Variants in MR1 observed in about 807,000 individuals in gnomAD.
The protein encoded by MR1 is major histocompatibility complex, class I-related, also known as major histocompatibility complex class I-related protein 1.
A neutral mutation model predicts 37.8 loss-of-function variants in MR1; 44 were observed. The observed-to-expected ratio is 1.16, with a 90% CI of 0.91 to 1.50. The LOEUF (loss-of-function observed/expected upper bound fraction) is 1.50. Ranked by LOEUF, MR1 falls within the 40% of genes most tolerant of loss-of-function variation. The probability of loss-of-function intolerance (pLI) is 0.00; values close to 1 mark genes in which losing one functional copy is unlikely to be tolerated. For synonymous variants in MR1, 153 were observed against 155.8 expected, an observed-to-expected ratio of 0.98 and a Z score of 0.13; for missense variants, 386 against 419.1, an observed-to-expected ratio of 0.92 and a Z score of 0.69.
chr1:181,033,869 C>CT (rs531593634), upstream of MR1: 1,867 of 558,318 alleles, frequency 3.3e-3, no homozygotes, highest in South Asian at 8.1e-3. Context: ...TTCATTTTAT[C>CT]TTTTTTTTTT....
Position 181,058,024 on chromosome 1 carries a change from T to C in MR1, c.*2759T>C, listed in dbSNP as rs1258425888. 1 of 152,180 alleles carries C rather than the reference T, an allele frequency of 6.6e-6. No homozygotes were observed. Among genetic ancestry groups the C allele is most frequent in the Admixed American group, 6.5e-5 (1 of 15,278 alleles). 9.4% of individuals were successfully genotyped at this position (152,180 alleles called of 1,614,324 possible). ...AAACTCCATCTCAAAAAAATAAAAA[T>C]AAAATAAGTAAGTAATACCTAAAAT... is the stretch of plus-strand genomic sequence containing the variant. On this transcript the variant is annotated 3_prime_UTR_variant, in exon 6 of 6. Coordinates refer to ENST00000367580, the MANE Select transcript of MR1 (RefSeq NM_001385161.1).
At chr1:181,055,140 C>G in intron 5 of MR1, 85 bp from the exon 6 acceptor site, 1 of 1,280,458 alleles carries the variant, frequency 7.8e-7, no homozygotes, top group South Asian at 1.2e-5. Context: ...GCCTGTTTCT[C>G]AGATTTTGCT....
At chr1:181,038,534 G>A (rs1005438023) in intron 1 of MR1, among the ~76,000 whole-genome samples, 3 of 152,206 alleles carry the variant, frequency 2.0e-5, no homozygotes, top group East Asian at 1.9e-4. Context: ...CAGGACTCAC[G>A]GCCACCTGTG....
intron 1 of MR1, among the ~76,000 whole-genome samples, chr1:181,044,218 C>T (rs1464168548): frequency 1.3e-5 from 2 of 152,142 alleles, no homozygotes; most frequent in East Asian, 1.9e-4. Context: ...CCGCGTCGGC[C>T]TCCCAAAGTG....
intron 5 of MR1, among the ~76,000 whole-genome samples, chr1:181,054,697 T>TA (rs1658514293): frequency 2.5e-5 from 3 of 121,082 alleles, no homozygotes; most frequent in Non-Finnish European, 4.8e-5. Context: ...ACTGAAAATA[T>TA]TAAAAAAAAA....
intron 2 of MR1, 127 bp from the exon 3 acceptor site, chr1:181,049,884 C>T: frequency 8.9e-7 from 1 of 1,122,242 alleles, no homozygotes; most frequent in Non-Finnish European, 1.3e-6. Flanking sequence ...TCAGCGATGC[C>T]ATGGCAGGCC....
chr1:181,036,459 A>G (rs1657274137), intron 1 of MR1, among the ~76,000 whole-genome samples: 1 of 152,174 alleles, frequency 6.6e-6, no homozygotes, highest in Admixed American at 6.5e-5. Flanking sequence ...TGAGATTATG[A>G]AAGAAGACTC....
Position 181,035,475 on chromosome 1 carries a change from C to T in MR1, c.67+1401C>T, listed in dbSNP as rs58697733. Among the ~76,000 whole-genome samples, 89 of 152,018 alleles carry T rather than the reference C, an allele frequency of 5.9e-4. 4 individuals carry two copies. The East Asian group carries it at 0.016, about 27-fold the overall frequency. On this transcript the variant is annotated intron_variant, in intron 1 of 5. Transcript: ENST00000367580. ...GAAAATTTAATCCAGAAAGTGTCAT[C>T]ATTTATGGGAAAGATTGGGGGTGAG...
rs1658771390 is a variant in MR1, at chr1:181,058,887, A to G, written c.*3622A>G. 1 of 152,232 alleles carries G rather than the reference A, an allele frequency of 6.6e-6. No individual in the cohort carries two copies. The highest frequency in any genetic ancestry group is 1.5e-5 in the Non-Finnish European group (1 of 68,036). 9.4% of individuals were successfully genotyped at this position (152,232 alleles called of 1,614,324 possible). On this transcript the variant is annotated 3_prime_UTR_variant, in exon 6 of 6. Transcript: ENST00000367580. ...GATATCTGTCTCAGCTGGTCAGTAC[A>G]CCTTCCAGCAGGAAAATCTACATAA...
chr1:181,033,696 T>C (rs1314133511), upstream of MR1, among the ~76,000 whole-genome samples: 1 of 152,164 alleles, frequency 6.6e-6, no homozygotes, highest in Non-Finnish European at 1.5e-5. Context: ...AGCTCCCTGA[T>C]TGACCAGATA....
Position 181,059,295 on chromosome 1 carries a change from C to T in MR1, c.*4030C>T, listed in dbSNP as rs1047458300. On this transcript the variant is annotated 3_prime_UTR_variant, in exon 6 of 6. Coordinates refer to ENST00000367580, the MANE Select transcript of MR1 (RefSeq NM_001385161.1). Reference sequence around the variant, plus strand: ...TGCCATCTTTGAGCATTGTATGTCTCTGTAACATCTCTGCATCTCCTTTTC... The same window carrying T: ...TGCCATCTTTGAGCATTGTATGTCTTTGTAACATCTCTGCATCTCCTTTTC... 3.9e-5 allele frequency: 6 copies of T among 152,264 alleles called. No homozygotes were observed. The highest frequency in any genetic ancestry group is 1.4e-4 in the African/African-American group (6 of 41,440). 9.4% of individuals were successfully genotyped at this position (152,264 alleles called of 1,614,324 possible).
intron 1 of MR1, among the ~76,000 whole-genome samples, chr1:181,037,597 C>T (rs546186223): frequency 5.9e-5 from 9 of 152,330 alleles, no homozygotes; most frequent in Non-Finnish European, 1.0e-4. Context: ...AAAGATCAAA[C>T]ACATGACTCT....
In MR1 at chr1:181,050,933, G is replaced by A. The variant is rs112526759; in HGVS notation, c.604+647G>A. 4.9e-3 allele frequency: 754 copies of A among 152,698 alleles called. 10 individuals carry two copies. The highest frequency in any genetic ancestry group is 0.017 in the African/African-American group (717 of 41,226). 9.5% of individuals were successfully genotyped at this position (152,698 alleles called of 1,614,324 possible). On this transcript the variant is annotated intron_variant, in intron 3 of 5. Transcript: ENST00000367580. ...GAGCCTGGAAGGTCAAGGCTGCAGT[G>A]AGCCATGATCATGATCAGCCTGGGT...
chr1:181,038,280 T>A (rs1053057714), intron 1 of MR1, among the ~76,000 whole-genome samples: 1 of 152,210 alleles, frequency 6.6e-6, no homozygotes, highest in Admixed American at 6.5e-5. Flanking sequence ...TAGTTAGACA[T>A]GTCATTAGGA....
intron 1 of MR1, 84 bp downstream of exon 1, chr1:181,034,158 T>G: frequency 7.2e-7 from 1 of 1,384,782 alleles, no homozygotes; most frequent in Non-Finnish European, 1.0e-6. Context: ...AAACTTGTGG[T>G]GAAAAATATA....
intron 2 of MR1, 37 bp downstream of exon 2, chr1:181,049,349 C>A: frequency 6.3e-7 from 1 of 1,587,028 alleles, no homozygotes; most frequent in South Asian, 1.1e-5. Flanking sequence ...TCCCCCATCC[C>A]ACCCCAACCC....
chr1:181,042,453 G>A (rs1177849387), intron 1 of MR1, among the ~76,000 whole-genome samples: 2 of 148,842 alleles, frequency 1.3e-5, no homozygotes, highest in East Asian at 2.1e-4. Flanking sequence ...CACCCACCTC[G>A]GCCTCCAAAA....
intron 1 of MR1, among the ~76,000 whole-genome samples, chr1:181,048,187 A>G (rs957307703): frequency 8.6e-5 from 13 of 151,302 alleles, no homozygotes; most frequent in African/African-American, 3.2e-4. Flanking sequence ...ACTGCACTCC[A>G]GCCTGGGCAA....
chr1:181,037,546 C>T (rs1657338871), intron 1 of MR1, among the ~76,000 whole-genome samples: 2 of 152,108 alleles, frequency 1.3e-5, no homozygotes, highest in South Asian at 4.1e-4. Context: ...ATCCTCTTAC[C>T]CCACAGTATT....
Sources: gnomAD v4.1 joint callset for allele counts (sites outside exome capture counted in the v4.1 genomes callset) on GRCh38, gnomAD v4.1.1 for gene constraint, MANE v1.5 for transcripts, NCBI Gene and HGNC (gene_info 2026-07-23, HGNC 2026-07-21) for gene names.